Variants in BCAS3 observed in about 807,000 individuals in gnomAD.
The protein encoded by BCAS3 is BCAS3 microtubule associated cell migration factor.
BCAS3 carries 53 observed loss-of-function variants against 116.1 expected under a neutral mutation model. That is an observed-to-expected ratio of 0.46 (90% CI 0.37 to 0.57). BCAS3 has a LOEUF of 0.57. BCAS3 is among the 20% of genes least tolerant of loss of function. BCAS3 has a pLI of 0.00. For synonymous variants in BCAS3, 391 were observed against 408.2 expected, an observed-to-expected ratio of 0.96 and a Z score of 0.51; for missense variants, 917 against 1,165.4, an observed-to-expected ratio of 0.79 and a Z score of 3.10.
At chr17:61,341,772 G>A (rs753442403) in intron 22 of BCAS3, among the ~76,000 whole-genome samples, 2 of 152,342 alleles carry the variant, frequency 1.3e-5, no homozygotes, top group Admixed American at 6.5e-5. Flanking sequence ...TTCAGGGAGT[G>A]GCAATCATCC....
At chr17:61,216,110 C>T (rs925451925) in intron 22 of BCAS3, among the ~76,000 whole-genome samples, 1 of 151,966 alleles carries the variant, frequency 6.6e-6, no homozygotes, top group Non-Finnish European at 1.5e-5. Flanking sequence ...ATATCACTTC[C>T]TTTGGAGAGA....
At position 61,235,278 on chromosome 17, in the gene BCAS3, T is replaced by C. The variant is rs748713235; in HGVS notation, c.2426-133049T>C. Among the ~76,000 whole-genome samples the C allele has an allele frequency of 1.3e-5, 2 of 152,186 alleles. No individual in the cohort carries two copies. Among genetic ancestry groups the C allele is most frequent in the African/African-American group, 4.8e-5 (2 of 41,444 alleles). ...GCCAGGTGAAGGCTGAAGGACCGGA[T>C]AAGTGTAGTTTCCAGAATCCTTCTT... On this transcript the variant is annotated intron_variant, in intron 22 of 23. Transcript: ENST00000407086. The surrounding 1 kb of genome is among the most constrained non-coding windows in gnomAD (Gnocchi z 5.0).
chr17:60,842,502 T>A (rs186298626), intron 7 of BCAS3, among the ~76,000 whole-genome samples: 13 of 151,610 alleles, frequency 8.6e-5, no homozygotes, highest in Admixed American at 7.9e-4. Context: ...AGAACAATTT[T>A]TTTTTTCAAT....
rs1392309132 is a variant in BCAS3 at position 61,390,677 on chromosome 17, C to T, written c.2594-1300C>T. 6.6e-6 allele frequency: 1 copy of T among 152,296 alleles called. No homozygotes were observed. The highest frequency in any genetic ancestry group is 2.4e-5 in the African/African-American group (1 of 41,452). 9.4% of individuals were successfully genotyped at this position (152,296 alleles called of 1,614,324 possible). A position where few individuals can be genotyped will look rare whatever the true frequency, so the allele number is the denominator to read the frequency against. On this transcript the variant is annotated intron_variant, in intron 23 of 23. Coordinates refer to ENST00000407086, the MANE Select transcript of BCAS3 (RefSeq NM_017679.5). The surrounding 1 kb of genome is among the most constrained non-coding windows in gnomAD (Gnocchi z 6.8). ...TGCTGGCTGGCTGGTGTTGGCCAGCCCAGGAGTGAAGGCCATGACCCCTTC... is the reference window on the plus strand; with the variant it reads ...TGCTGGCTGGCTGGTGTTGGCCAGCTCAGGAGTGAAGGCCATGACCCCTTC...
chr17:60,995,359 G>C lies in BCAS3; in HGVS notation c.1486+5124G>C, dbSNP rs985928413. On this transcript the variant is annotated intron_variant, in intron 15 of 23. Coordinates refer to ENST00000407086, the MANE Select transcript of BCAS3 (RefSeq NM_017679.5). This position sits in a 1 kb window ranked among gnomAD's most constrained non-coding sequence, Gnocchi z 4.7. ...GTGGAGACAAGGTTTCACTCTGTTG[G>C]CCAGGCTGGTCTTGAACTCCTGACC... Among the ~76,000 whole-genome samples, 1 of 152,086 alleles carries C rather than the reference G, an allele frequency of 6.6e-6. No homozygotes were observed. The highest frequency in any genetic ancestry group is 1.5e-5 in the Non-Finnish European group (1 of 68,010).
chr17:61,094,599 G>A (rs1022183548), intron 22 of BCAS3, among the ~76,000 whole-genome samples: 3 of 152,198 alleles, frequency 2.0e-5, no homozygotes, highest in Non-Finnish European at 2.9e-5. Context: ...TATAATCCCA[G>A]TACTTTGGGA....
At chr17:60,773,797 G>A (rs991349048) in intron 6 of BCAS3, among the ~76,000 whole-genome samples, 1 of 152,052 alleles carries the variant, frequency 6.6e-6, no homozygotes, top group Non-Finnish European at 1.5e-5. Context: ...ACAGGCGCAC[G>A]CCACCATGCC....
chr17:61,038,662 GTTTTTGTTTTT>G (rs2067243957), intron 18 of BCAS3, among the ~76,000 whole-genome samples: 1 of 113,492 alleles, frequency 8.8e-6, no homozygotes, highest in Non-Finnish European at 1.8e-5. Context: ...TTTTGTTTTT[GTTTTTGTTTTT>G]TTTTTTTTTT....
At chr17:61,170,332 G>A (rs974597891) in intron 22 of BCAS3, among the ~76,000 whole-genome samples, 12 of 151,504 alleles carry the variant, frequency 7.9e-5, no homozygotes, top group South Asian at 2.1e-4. Context: ...TCGCTCTGTC[G>A]CCCAGGCTGG....
chr17:60,847,498 T>C lies in BCAS3; in HGVS notation c.477-21078T>C, dbSNP rs1301891679. On this transcript the variant is annotated intron_variant, in intron 7 of 23. Transcript: ENST00000407086. ...TTCATATTCTTACCAATACTTGTTA[T>C]TTTCTGATTTTAATTTTTAAATTAT... 2.6e-5 allele frequency among the ~76,000 whole-genome samples: 4 copies of C among 152,332 alleles called. No individual in the cohort carries two copies. In the East Asian group the frequency reaches 7.7e-4, roughly 29 times the overall value.
rs1568013325 is a variant in BCAS3, at chr17:60,976,703, C to G, written c.1222-13268C>G. On this transcript the variant is annotated intron_variant, in intron 14 of 23. Coordinates refer to ENST00000407086, the MANE Select transcript of BCAS3 (RefSeq NM_017679.5). ...GAGCACATCTTGCACTGCCCTTAAT[C>G]CATTTAACCCTGAGTGGACACAGCA... Among the ~76,000 whole-genome samples the G allele has an allele frequency of 2.0e-5, 3 of 152,192 alleles. No individual in the cohort carries two copies. In the South Asian group the frequency reaches 6.2e-4, roughly 32 times the overall value.
chr17:61,006,939 A>G (rs2064761332), intron 15 of BCAS3, among the ~76,000 whole-genome samples: 1 of 152,100 alleles, frequency 6.6e-6, no homozygotes, highest in South Asian at 2.1e-4. Flanking sequence ...AATACGTAAA[A>G]TGAATTAAAA....
At chr17:61,172,046 C>T (rs1477068563) in intron 22 of BCAS3, among the ~76,000 whole-genome samples, 4 of 152,068 alleles carry the variant, frequency 2.6e-5, no homozygotes, top group South Asian at 2.1e-4. Flanking sequence ...GGGGTCAGTT[C>T]GTGAAGAGAA....
Position 61,244,424 on chromosome 17 carries a change from A to T in BCAS3, c.2426-123903A>T, listed in dbSNP as rs2047769380. Among the ~76,000 whole-genome samples, 1 of 152,224 alleles carries T rather than the reference A, an allele frequency of 6.6e-6. No individual in the cohort carries two copies. The highest frequency in any genetic ancestry group is 1.5e-5 in the Non-Finnish European group (1 of 68,038). On this transcript the variant is annotated intron_variant, in intron 22 of 23. Transcript: ENST00000407086. The surrounding 1 kb of genome is among the most constrained non-coding windows in gnomAD (Gnocchi z 4.9). ...CACTATATTGTGAATATCATGAACA[A>T]AGACAGTTTGGAAACAGGGTGACTA...
Position 61,258,484 on chromosome 17 carries a change from C to T in BCAS3, c.2426-109843C>T, listed in dbSNP as rs1002255376. On this transcript the variant is annotated intron_variant, in intron 22 of 23. Transcript: ENST00000407086. The surrounding 1 kb of genome is among the most constrained non-coding windows in gnomAD (Gnocchi z 4.7). ...GCTGTTGACCTTAGAAAAGTTGCTT[C>T]ACCCTCTGAGCCTCTGTAAAATGTG... Among the ~76,000 whole-genome samples the T allele has an allele frequency of 2.2e-4, 34 of 152,204 alleles. No homozygotes were observed. The highest frequency in any genetic ancestry group is 3.3e-4 in the Admixed American group (5 of 15,284).
At chr17:60,910,746 G>A in intron 12 of BCAS3, 44 bp downstream of exon 12, 3 of 1,513,176 alleles carry the variant, frequency 2.0e-6, no homozygotes, top group Non-Finnish European at 2.7e-6. Context: ...TACTTGCAAA[G>A]ATGGGGCTAA....
Position 60,990,318 on chromosome 17 carries a change from TGTTATA to T in BCAS3, c.1486+86_1486+91del. 1 of 1,389,656 alleles carries T rather than the reference TGTTATA, an allele frequency of 7.2e-7. No individual in the cohort carries two copies. 86.1% of individuals were successfully genotyped at this position (1,389,656 alleles called of 1,614,324 possible). ...TACAGATCTGGGATAAAACTAAACT[TGTTATA>T]GTCTGTTCATGTAAAAAGAAGATCT... On this transcript the variant is annotated intron_variant, in intron 15 of 23. Coordinates refer to ENST00000407086, the MANE Select transcript of BCAS3 (RefSeq NM_017679.5). This position sits in a 1 kb window ranked among gnomAD's most constrained non-coding sequence, Gnocchi z 5.1.
intron 7 of BCAS3, among the ~76,000 whole-genome samples, chr17:60,852,181 G>T (rs1307068013): frequency 1.3e-5 from 2 of 151,558 alleles, no homozygotes; most frequent in African/African-American, 4.9e-5. Flanking sequence ...TGTGCACAAT[G>T]TGCAGGTTAG....
At chr17:60,735,681 T>TGG (rs2040882381) in intron 5 of BCAS3, among the ~76,000 whole-genome samples, 1 of 152,262 alleles carries the variant, frequency 6.6e-6, no homozygotes, top group African/African-American at 2.4e-5. Flanking sequence ...CTCAAACTCC[T>TGG]GGGTTCAAGC....
Sources: gnomAD v4.1 joint callset for allele counts (sites outside exome capture counted in the v4.1 genomes callset) on GRCh38, gnomAD v4.1.1 for gene constraint, Gnocchi (gnomAD v3.1) non-coding constraint, MANE v1.5 for transcripts, NCBI Gene and HGNC (gene_info 2026-07-23, HGNC 2026-07-21) for gene names.